Variants in TMEM132D observed in about 807,000 individuals in gnomAD.
TMEM132D encodes mature OL transmembrane protein.
TMEM132D carries 21 observed loss-of-function variants against 62.3 expected under a neutral mutation model. That is an observed-to-expected ratio of 0.34 (90% confidence interval 0.24 to 0.49). The LOEUF (loss-of-function observed/expected upper bound fraction) is 0.49, where lower values mean the gene tolerates loss of function less well. TMEM132D is among the 20% of genes least tolerant of loss of function. The probability of loss-of-function intolerance (pLI) is 0.99; values close to 1 mark genes in which losing one functional copy is unlikely to be tolerated. For synonymous variants in TMEM132D, 621 were observed against 575.6 expected (o/e 1.08, Z -1.13); for missense variants, 1,346 against 1,402.8 (o/e 0.96, Z 0.65).
In TMEM132D at chr12:129,485,046, C is replaced by T. The variant is rs573434989; in HGVS notation, c.1115+46013G>A. Among the ~76,000 whole-genome samples the T allele has an allele frequency of 3.9e-5, 6 of 152,244 alleles. No homozygotes were observed. The East Asian group carries it at 5.8e-4, about 15-fold the overall frequency. On this transcript the variant is annotated intron_variant, in intron 3 of 8. Coordinates refer to ENST00000422113, the MANE Select transcript of TMEM132D (RefSeq NM_133448.3). ...TCCAGGTGCCCAGGCCTGTTAAGAC[C>T]GTGAGATAAGCTTGCAGGTGCAAGC...
At chr12:129,383,645 G>C (rs982418334) in intron 3 of TMEM132D, among the ~76,000 whole-genome samples, 13 of 152,078 alleles carry the variant, frequency 8.5e-5, no homozygotes, top group African/African-American at 2.9e-4. Context: ...CAACATATTG[G>C]CCAGGCTGGT....
intron 1 of TMEM132D, among the ~76,000 whole-genome samples, chr12:129,801,586 G>GA (rs1388529112): frequency 1.3e-5 from 2 of 150,286 alleles, no homozygotes; most frequent in Admixed American, 1.3e-4. Flanking sequence ...CAAAGATGGG[G>GA]AAAAAACAGA....
Position 129,078,705 on chromosome 12 carries a change from G to T in TMEM132D, c.1944C>A (p.Asp648Glu), listed in dbSNP as rs371167939. The change falls in exon 8 of 9, where the codon GAC becomes GAA. Residue 648 changes from aspartate (D) to glutamate (E), a missense_variant. Physicochemically the swap from Asp to Glu is conservative, Grantham distance 45. Coordinates refer to ENST00000422113, the MANE Select transcript of TMEM132D (RefSeq NM_133448.3). The stretch of plus-strand genomic sequence containing the variant: ...TGATGGTCTTTTCAGCGAGGATGGT[G>T]TCTGACAGAGGAGACAGGATCTGGA... Reference protein sequence around the residue: ...TTIQILSPLSDTILAEKTITV... With the variant: ...TTIQILSPLSETILAEKTITV... The T allele has an allele frequency of 1.2e-6, 2 of 1,614,058 alleles. No individual in the cohort carries two copies. Among genetic ancestry groups the T allele is most frequent in the African/African-American group, 2.7e-5 (2 of 74,936 alleles).
chr12:129,629,011 A>G (rs1279273160), intron 2 of TMEM132D, among the ~76,000 whole-genome samples: 4 of 145,228 alleles, frequency 2.8e-5, no homozygotes, highest in Middle Eastern at 3.3e-3. Context: ...CTCTCTCTCC[A>G]TCTTTACCTG....
chr12:129,847,346 T>A (rs1018840785), intron 1 of TMEM132D, among the ~76,000 whole-genome samples: 5 of 152,198 alleles, frequency 3.3e-5, no homozygotes. Context: ...GCCTTTTGTC[T>A]GCTGTGATTA....
chr12:129,879,547 C>G (rs536990744), intron 1 of TMEM132D, among the ~76,000 whole-genome samples: 1 of 152,250 alleles, frequency 6.6e-6, no homozygotes, highest in African/African-American at 2.4e-5. Flanking sequence ...GGCTCAGTTG[C>G]AGCAGGAGGA....
intron 5 of TMEM132D, among the ~76,000 whole-genome samples, chr12:129,102,475 TCACA>T (rs1198831283): frequency 7.4e-6 from 1 of 135,724 alleles, no homozygotes; most frequent in Non-Finnish European, 1.6e-5. Context: ...ACACATGTAC[TCACA>T]CAATGCACAC....
chr12:129,899,016 G>C (rs1875242817), intron 1 of TMEM132D, among the ~76,000 whole-genome samples: 2 of 152,236 alleles, frequency 1.3e-5, no homozygotes, highest in Admixed American at 6.5e-5. Context: ...GGACGCTTTA[G>C]TACCTGTCCT....
chr12:129,882,167 T>C (rs940766073), intron 1 of TMEM132D, among the ~76,000 whole-genome samples: 21 of 152,172 alleles, frequency 1.4e-4, no homozygotes, highest in East Asian at 7.7e-4. Flanking sequence ...CAGACCCAGA[T>C]GGTTTCACCA....
intron 5 of TMEM132D, among the ~76,000 whole-genome samples, chr12:129,171,750 G>C (rs779075166): frequency 8.5e-5 from 13 of 152,218 alleles, no homozygotes; most frequent in Non-Finnish European, 1.6e-4. Context: ...TTTCTTCTGA[G>C]AAGTAGATCT....
chr12:129,134,188 C>T (rs181874841), intron 5 of TMEM132D, among the ~76,000 whole-genome samples: 3 of 144,768 alleles, frequency 2.1e-5, no homozygotes, highest in Non-Finnish European at 4.6e-5. Flanking sequence ...GTCTGTGTGT[C>T]TGTGTGTGTG....
At chr12:129,379,297 G>A (rs985677691) in intron 3 of TMEM132D, among the ~76,000 whole-genome samples, 2 of 152,146 alleles carry the variant, frequency 1.3e-5, no homozygotes, top group Admixed American at 6.5e-5. Context: ...AGACTGCACA[G>A]TGTTTACAGC....
At chr12:129,395,782 A>G (rs991404906) in intron 3 of TMEM132D, among the ~76,000 whole-genome samples, 2 of 148,136 alleles carry the variant, frequency 1.4e-5, no homozygotes, top group African/African-American at 2.5e-5. Flanking sequence ...ATACTAATCT[A>G]TATATCTAGA....
chr12:129,808,062 T>C (rs1872051662), intron 1 of TMEM132D, among the ~76,000 whole-genome samples: 1 of 152,230 alleles, frequency 6.6e-6, no homozygotes, highest in Admixed American at 6.5e-5. Context: ...TTACAAATTA[T>C]AGAACTCAAT....
chr12:129,739,403 G>A (rs1427213972), intron 1 of TMEM132D, among the ~76,000 whole-genome samples: 3 of 152,134 alleles, frequency 2.0e-5, no homozygotes, highest in African/African-American at 4.8e-5. Context: ...CAGAGGAGAC[G>A]TCAACTCTTG....
intron 1 of TMEM132D, among the ~76,000 whole-genome samples, chr12:129,868,466 C>T (rs747369604): frequency 6.6e-6 from 1 of 152,164 alleles, no homozygotes; most frequent in Non-Finnish European, 1.5e-5. Flanking sequence ...CTTCCATGCA[C>T]GATGACAAGC....
At chr12:129,180,038 TAA>T (rs57566666) in intron 5 of TMEM132D, among the ~76,000 whole-genome samples, 50,228 of 144,086 alleles carry the variant, frequency 0.35, 8,909 homozygotes, top group East Asian at 0.59. Context: ...AAAAAGAAAA[TAA>T]AAAAAAAAAA....
At chr12:129,325,730 A>G (rs1868887681) in intron 4 of TMEM132D, among the ~76,000 whole-genome samples, 1 of 152,188 alleles carries the variant, frequency 6.6e-6, no homozygotes, top group African/African-American at 2.4e-5. Context: ...GAGGCAAGGA[A>G]TCATTGGCTC....
intron 5 of TMEM132D, among the ~76,000 whole-genome samples, chr12:129,169,552 G>T (rs1290613132): frequency 6.6e-6 from 1 of 152,158 alleles, no homozygotes; most frequent in African/African-American, 2.4e-5. Flanking sequence ...CTTTTACTTG[G>T]TTGTTCTGTT....
Sources: gnomAD v4.1 joint callset for allele counts (sites outside exome capture counted in the v4.1 genomes callset) on GRCh38, gnomAD v4.1.1 for gene constraint, MANE v1.5 for transcripts, NCBI Gene and HGNC (gene_info 2026-07-23, HGNC 2026-07-21) for gene names.